Variants in CELF2 observed in about 807,000 individuals in gnomAD.
The protein encoded by CELF2 is CUG triplet repeat RNA-binding protein 2.
Under a neutral mutation model 62.6 loss-of-function variants are expected in CELF2, and 8 were observed. The observed-to-expected ratio is 0.13, with a 90% confidence interval of 0.07 to 0.23. The LOEUF (loss-of-function observed/expected upper bound fraction) is 0.23, where lower values mean the gene tolerates loss of function less well. Among genes scored for constraint, CELF2 ranks in the 10% least tolerant of loss-of-function variants. CELF2 has a pLI of 1.00. For missense variants in CELF2, 333 were observed against 671.0 expected (o/e 0.50, Z 5.56); for synonymous variants, 258 against 250.0 (o/e 1.03, Z -0.30).
chr10:10,628,454 T>C, the CELF2 span, among the ~76,000 whole-genome samples: 1,425 of 152,104 alleles, frequency 9.4e-3, 25 homozygotes, highest in African/African-American at 0.032. Context: ...CCCCAAAATG[T>C]ATGAAGTGGG....
chr10:10,826,983 C>A (rs1386041489), intron 1 of CELF2, among the ~76,000 whole-genome samples: 1 of 152,162 alleles, frequency 6.6e-6, no homozygotes, highest in Non-Finnish European at 1.5e-5. Context: ...TGACTTCCTT[C>A]CCTGGGATCT....
the CELF2 span, among the ~76,000 whole-genome samples, chr10:10,545,304 C>T: frequency 6.6e-6 from 1 of 152,208 alleles, no homozygotes; most frequent in Non-Finnish European, 1.5e-5. Context: ...GCATAATTCA[C>T]ATCCCCACTC....
At position 11,332,222 on chromosome 10, in the gene CELF2, T is replaced by G. The variant is rs1469046315; in HGVS notation, c.*3169T>G. 6.6e-6 allele frequency: 1 copy of G among 152,258 alleles called. No homozygotes were observed. The highest frequency in any genetic ancestry group is 2.4e-5 in the African/African-American group (1 of 41,476). 9.4% of individuals were successfully genotyped at this position (152,258 alleles called of 1,614,324 possible). On this transcript the variant is annotated 3_prime_UTR_variant, in exon 13 of 13. Transcript: ENST00000633077. ...GCTTTTGAGATCACGTTTAGTGCTA[T>G]GTCCTAGTCTAGAATATTTTCATAT...
At chr10:11,225,776 T>A (rs1179060268) in intron 3 of CELF2, among the ~76,000 whole-genome samples, 1 of 152,226 alleles carries the variant, frequency 6.6e-6, no homozygotes, top group African/African-American at 2.4e-5. Context: ...TTTTTTTATC[T>A]ATTTGATTCC....
chr10:11,016,904 T>C (rs557777333), upstream of CELF2, among the ~76,000 whole-genome samples: 47 of 152,354 alleles, frequency 3.1e-4, no homozygotes, highest in African/African-American at 1.1e-3. This position sits in a 1 kb window ranked among gnomAD's most constrained non-coding sequence, Gnocchi z 5.2. Flanking sequence ...CTCTAAGAGG[T>C]AAACTATAAA....
chr10:10,897,460 GA>G (rs368010368), intron 1 of CELF2, among the ~76,000 whole-genome samples: 389 of 150,950 alleles, frequency 2.6e-3, no homozygotes, highest in African/African-American at 8.6e-3. Context: ...AGAGAGGAAA[GA>G]AAAAAAAATT....
chr10:11,199,736 A>AT (rs1362751687), intron 2 of CELF2, among the ~76,000 whole-genome samples: 1 of 152,142 alleles, frequency 6.6e-6, no homozygotes, highest in East Asian at 1.9e-4. Context: ...GAAATTAAGA[A>AT]TTTTTTTTAT....
intron 1 of CELF2, among the ~76,000 whole-genome samples, chr10:11,055,723 C>T (rs1050614765): frequency 1.3e-5 from 2 of 152,246 alleles, no homozygotes; most frequent in Non-Finnish European, 2.9e-5. Flanking sequence ...GAAGGCACGG[C>T]AGACTATTCT....
Position 11,237,840 on chromosome 10 carries a change from G to A in CELF2, c.355-11313G>A, listed in dbSNP as rs1451250354. ...ATGATTTGTTGTTAAACCACAACTC[G>A]TTTCTCTTAAAATATGAGAGAATAC... On this transcript the variant is annotated intron_variant, in intron 3 of 12. Transcript: ENST00000633077. This position sits in a 1 kb window ranked among gnomAD's most constrained non-coding sequence, Gnocchi z 4.0. Among the ~76,000 whole-genome samples the A allele has an allele frequency of 6.6e-6, 1 of 152,198 alleles. No individual in the cohort carries two copies. Among genetic ancestry groups the A allele is most frequent in the African/African-American group, 2.4e-5 (1 of 41,438 alleles).
chr10:11,186,042 TTTTC>T (rs1176708092), intron 2 of CELF2, among the ~76,000 whole-genome samples: 1 of 152,210 alleles, frequency 6.6e-6, no homozygotes, highest in Non-Finnish European at 1.5e-5. Context: ...GGTTCTATAT[TTTTC>T]TTTGAGTGCA....
chr10:10,469,144 A>T, the CELF2 span, among the ~76,000 whole-genome samples: 1 of 151,952 alleles, frequency 6.6e-6, no homozygotes, highest in South Asian at 2.1e-4. Context: ...TAATATACAA[A>T]TATTATTGAT....
the CELF2 span, among the ~76,000 whole-genome samples, chr10:10,607,048 G>A: frequency 1.1e-4 from 16 of 152,118 alleles, no homozygotes; most frequent in African/African-American, 2.7e-4. Flanking sequence ...AAACATCATC[G>A]TGGTGTTATG....
the CELF2 span, among the ~76,000 whole-genome samples, chr10:10,521,441 G>A: frequency 6.6e-6 from 1 of 152,172 alleles, no homozygotes; most frequent in Non-Finnish European, 1.5e-5. Flanking sequence ...ATTAATCATA[G>A]CAATTATTCT....
chr10:10,612,711 A>G, the CELF2 span, among the ~76,000 whole-genome samples: 1 of 152,138 alleles, frequency 6.6e-6, no homozygotes, highest in Non-Finnish European at 1.5e-5. Flanking sequence ...CCTTTGCTGT[A>G]TTCCTTCGGG....
rs538119541 is a variant in CELF2, at chr10:10,997,032, T to A, written c.89+77033T>A. On this transcript the variant is annotated intron_variant, in intron 2 of 13. Transcript: ENST00000636488. The surrounding 1 kb of genome is among the most constrained non-coding windows in gnomAD (Gnocchi z 5.3). ...GTTTTCTTCATTCCACCCACTCAGTTATTCACATTGTGATTCTACTGCTAA... is the reference window on the plus strand; with the variant it reads ...GTTTTCTTCATTCCACCCACTCAGTAATTCACATTGTGATTCTACTGCTAA... 7.9e-5 allele frequency among the ~76,000 whole-genome samples: 12 copies of A among 152,350 alleles called. No homozygotes were observed. In the South Asian group the frequency reaches 2.5e-3, roughly 32 times the overall value.
At chr10:10,639,841 G>T in the CELF2 span, among the ~76,000 whole-genome samples, 4 of 152,158 alleles carry the variant, frequency 2.6e-5, no homozygotes, top group Non-Finnish European at 5.9e-5. Flanking sequence ...GACCGTCAAT[G>T]AAGGAGAGAC....
chr10:11,052,046 C>T (rs2064048835), intron 1 of CELF2, among the ~76,000 whole-genome samples: 1 of 152,100 alleles, frequency 6.6e-6, no homozygotes. Context: ...GCTGGGGCTA[C>T]AGGTGTGCAA....
intron 1 of CELF2, among the ~76,000 whole-genome samples, chr10:10,845,643 T>G (rs531031251): frequency 8.5e-5 from 13 of 152,356 alleles, no homozygotes; most frequent in Non-Finnish European, 1.5e-4. Context: ...CATTTCACAA[T>G]GCATACATGT....
the CELF2 span, among the ~76,000 whole-genome samples, chr10:10,690,137 T>C: frequency 6.6e-6 from 1 of 152,214 alleles, no homozygotes; most frequent in Non-Finnish European, 1.5e-5. Flanking sequence ...TCTCCTCTTC[T>C]TCATTGGCTT....
Sources: gnomAD v4.1 joint callset for allele counts (sites outside exome capture counted in the v4.1 genomes callset) on GRCh38, gnomAD v4.1.1 for gene constraint, Gnocchi (gnomAD v3.1) non-coding constraint, MANE v1.5 for transcripts, NCBI Gene and HGNC (gene_info 2026-07-23, HGNC 2026-07-21) for gene names.